ZFAND3: variants seen among roughly 807,000 people sequenced by gnomAD.
The protein encoded by ZFAND3 is zinc finger AN1-type containing 3.
A neutral mutation model predicts 29.6 loss-of-function variants in ZFAND3; 10 were observed. The ratio of observed to expected loss-of-function variants is 0.34; its 90% CI spans 0.21 to 0.57. ZFAND3 has a LOEUF of 0.57. Among genes scored for constraint, ZFAND3 ranks in the 20% least tolerant of loss-of-function variants. ZFAND3 has a pLI of 0.86. For synonymous variants in ZFAND3, 128 were observed against 112.6 expected (o/e 1.14, Z -0.87); for missense variants, 230 against 304.5 (o/e 0.76, Z 1.82).
intron 2 of ZFAND3, among the ~76,000 whole-genome samples, chr6:38,022,706 C>G (rs1763373939): frequency 6.6e-6 from 1 of 152,222 alleles, no homozygotes; most frequent in Admixed American, 6.5e-5. Context: ...AGTCTAAAGA[C>G]TTTAACCTTG....
intron 5 of ZFAND3, 21 bp downstream of exon 5, chr6:38,116,760 C>A: frequency 6.2e-7 from 1 of 1,610,274 alleles, no homozygotes; most frequent in Non-Finnish European, 8.5e-7. Context: ...CCCCCAGTGG[C>A]GTGATGGAGA....
At chr6:37,828,041 GAGTGGTGTGGAGGA>G (rs1468956166) in intron 1 of ZFAND3, among the ~76,000 whole-genome samples, 4 of 152,194 alleles carry the variant, frequency 2.6e-5, no homozygotes, top group Non-Finnish European at 4.4e-5. Flanking sequence ...TGCTGAAGTA[GAGTGGTGTGGAGGA>G]ACAGCTGTTG....
intron 2 of ZFAND3, among the ~76,000 whole-genome samples, chr6:38,006,655 GTTTTTTT>G (rs5875608): frequency 1.5e-5 from 2 of 133,112 alleles, no homozygotes; most frequent in African/African-American, 2.8e-5. Flanking sequence ...GAGGAAGAGG[GTTTTTTT>G]TTTTTTTTTT....
intron 2 of ZFAND3, among the ~76,000 whole-genome samples, chr6:38,038,507 G>A (rs749480880): frequency 4.6e-5 from 7 of 152,158 alleles, no homozygotes; most frequent in Non-Finnish European, 1.0e-4. Context: ...AAGATAAATT[G>A]TTTATAAAAT....
chr6:38,131,316 GTTCTT>G (rs1265604223), intron 5 of ZFAND3, among the ~76,000 whole-genome samples: 2 of 151,912 alleles, frequency 1.3e-5, no homozygotes, highest in Non-Finnish European at 2.9e-5. Context: ...TCTGATATTG[GTTCTT>G]TTCTTCTTCT....
chr6:37,845,858 C>T (rs1764168404), intron 1 of ZFAND3, among the ~76,000 whole-genome samples: 1 of 152,234 alleles, frequency 6.6e-6, no homozygotes, highest in African/African-American at 2.4e-5. Flanking sequence ...GCTTATCCTT[C>T]ATGATGTTTA....
chr6:37,829,193 G>A (rs957046707), intron 1 of ZFAND3, among the ~76,000 whole-genome samples: 1 of 151,608 alleles, frequency 6.6e-6, no homozygotes, highest in Non-Finnish European at 1.5e-5. Context: ...AATCGCCACT[G>A]CACTCCAGCC....
At chr6:38,049,732 T>C (rs1763981058) in intron 2 of ZFAND3, among the ~76,000 whole-genome samples, 2 of 152,064 alleles carry the variant, frequency 1.3e-5, no homozygotes, top group South Asian at 4.2e-4. Flanking sequence ...TCTCTGAACA[T>C]CCCCCTGATA....
intron 1 of ZFAND3, among the ~76,000 whole-genome samples, chr6:37,911,774 A>C (rs1765525371): frequency 2.6e-5 from 4 of 152,208 alleles, no homozygotes; most frequent in Admixed American, 2.0e-4. Flanking sequence ...CATTCAGTTC[A>C]ACAGGTGGGA....
rs144560989 is a variant in ZFAND3, at chr6:38,031,752, C to T, written c.113-29841C>T. Among the ~76,000 whole-genome samples the T allele has an allele frequency of 7.3e-4, 111 of 152,240 alleles. 1 individual carries two copies. The East Asian group carries it at 0.017, about 23-fold the overall frequency. On this transcript the variant is annotated intron_variant, in intron 2 of 5. Transcript: ENST00000287218. ...ACTTAATTGCCCAGTAGAGTACCCACGTAGCCATTTTAATACCTTTTAATG... is the reference window on the plus strand; with the variant it reads ...ACTTAATTGCCCAGTAGAGTACCCATGTAGCCATTTTAATACCTTTTAATG...
chr6:38,138,372 G>C (rs1765883577), intron 5 of ZFAND3, among the ~76,000 whole-genome samples: 1 of 152,016 alleles, frequency 6.6e-6, no homozygotes, highest in African/African-American at 2.4e-5. Flanking sequence ...CTTTAAATAG[G>C]CAAAGTAAGA....
chr6:38,154,242 C>G lies in ZFAND3; in HGVS notation c.*1853C>G. On this transcript the variant is annotated 3_prime_UTR_variant, in exon 6 of 6. Coordinates refer to ENST00000287218, the MANE Select transcript of ZFAND3 (RefSeq NM_021943.3). Reference sequence around the variant, plus strand: ...AAGCTCTGGTCCCGAAGAGGCTGTGCGAGCCCTTCCCGGCCCTCCCCAGGG... The same window carrying G: ...AAGCTCTGGTCCCGAAGAGGCTGTGGGAGCCCTTCCCGGCCCTCCCCAGGG... 2 of 985,536 alleles carry G rather than the reference C, an allele frequency of 2.0e-6. No individual in the cohort carries two copies. The highest frequency in any genetic ancestry group is 2.4e-6 in the Non-Finnish European group (2 of 830,006). 61.0% of individuals were successfully genotyped at this position (985,536 alleles called of 1,614,324 possible).
At chr6:38,035,313 G>A (rs1226212178) in intron 2 of ZFAND3, among the ~76,000 whole-genome samples, 1 of 152,030 alleles carries the variant, frequency 6.6e-6, no homozygotes, top group Non-Finnish European at 1.5e-5. Context: ...TATTATCATA[G>A]CCAAGGCATT....
chr6:37,882,508 G>T (rs1764914869), intron 1 of ZFAND3, among the ~76,000 whole-genome samples: 1 of 152,136 alleles, frequency 6.6e-6, no homozygotes, highest in East Asian at 1.9e-4. Context: ...TTTAGTCCCT[G>T]CTACACACAC....
chr6:38,001,829 G>T (rs1392175721), intron 2 of ZFAND3, among the ~76,000 whole-genome samples: 3 of 152,184 alleles, frequency 2.0e-5, no homozygotes, highest in African/African-American at 4.8e-5. Context: ...CAACTCCTTT[G>T]TCCCTAGGAG....
intron 1 of ZFAND3, among the ~76,000 whole-genome samples, chr6:37,892,474 C>G (rs1401318578): frequency 1.3e-5 from 2 of 152,046 alleles, no homozygotes; most frequent in East Asian, 3.9e-4. Flanking sequence ...GTAGTGCTTA[C>G]AGAGAAATTT....
intron 1 of ZFAND3, among the ~76,000 whole-genome samples, chr6:37,895,026 TG>T (rs1765173151): frequency 1.3e-5 from 2 of 152,184 alleles, no homozygotes; most frequent in Non-Finnish European, 2.9e-5. Context: ...TAGAGATTTT[TG>T]GATCAAAGGG....
At chr6:37,948,770 G>T (rs1400634874) in intron 2 of ZFAND3, among the ~76,000 whole-genome samples, 2 of 152,158 alleles carry the variant, frequency 1.3e-5, no homozygotes, top group Non-Finnish European at 2.9e-5. Flanking sequence ...CCATGTTCCT[G>T]CAGAGGACAT....
chr6:37,840,964 A>G (rs1488511702), intron 1 of ZFAND3, among the ~76,000 whole-genome samples: 1 of 152,222 alleles, frequency 6.6e-6, no homozygotes, highest in Non-Finnish European at 1.5e-5. Flanking sequence ...AATTTTTTAG[A>G]ATATGCTTTG....
Sources: allele counts gnomAD v4.1 joint callset (sites outside exome capture counted in the v4.1 genomes callset), GRCh38; gene constraint gnomAD v4.1.1; transcripts MANE v1.5; gene names NCBI Gene and HGNC (gene_info 2026-07-23, HGNC 2026-07-21).